CCDC63: variants seen among roughly 807,000 people sequenced by gnomAD.
CCDC63 encodes coiled-coil domain containing 63, also known as coiled-coil domain-containing protein 63.
In CCDC63, 54 loss-of-function variants were observed where a neutral mutation model predicts 63.6. That is an observed-to-expected ratio of 0.85 (90% CI 0.68 to 1.07). The LOEUF (loss-of-function observed/expected upper bound fraction) is 1.07. Ranked by LOEUF, CCDC63 falls within the 50% of genes least tolerant of loss-of-function variation. The pLI, the probability that CCDC63 is intolerant of heterozygous loss-of-function variation, is 0.00. For synonymous variants in CCDC63, 253 were observed against 266.1 expected (o/e 0.95, Z 0.48); for missense variants, 637 against 689.6 (o/e 0.92, Z 0.86).
chr12:110,854,255 C>CT (rs59793950), intron 3 of CCDC63, among the ~76,000 whole-genome samples: 136 of 106,744 alleles, frequency 1.3e-3, no homozygotes, highest in Middle Eastern at 0.011. Context: ...CATTTCTTTT[C>CT]TTTTTTTTTT....
chr12:110,898,628 A>C (rs2071444425), intron 9 of CCDC63, among the ~76,000 whole-genome samples: 1 of 151,904 alleles, frequency 6.6e-6, no homozygotes, highest in Non-Finnish European at 1.5e-5. Flanking sequence ...AAAAAAAAAA[A>C]AAAAAAATTC....
intron 4 of CCDC63, among the ~76,000 whole-genome samples, chr12:110,865,464 C>CAAAAAAAAAAAAAAAAAAAAAAAAAAAA (rs10585238): frequency 8.8e-5 from 9 of 102,360 alleles, no homozygotes; most frequent in East Asian, 3.2e-4. Flanking sequence ...CAGCATATAC[C>CAAAAAAAAAAAAAAAAAAAAAAAAAAAA]AAAAAAAAAA....
At chr12:110,898,115 C>CT (rs1405600983) in intron 9 of CCDC63, among the ~76,000 whole-genome samples, 1 of 151,164 alleles carries the variant, frequency 6.6e-6, no homozygotes, top group African/African-American at 2.4e-5. Context: ...AACCCCATCT[C>CT]TAAAAAAAAT....
At chr12:110,865,744 G>C (rs907965858) in intron 4 of CCDC63, among the ~76,000 whole-genome samples, 5 of 152,188 alleles carry the variant, frequency 3.3e-5, no homozygotes, top group African/African-American at 9.7e-5. Context: ...TTGCAGCTAA[G>C]GGTGGACAGT....
At chr12:110,897,710 A>ATTTCTTCCTGTGGACCACCTTGTT (rs2071431026) in intron 9 of CCDC63, among the ~76,000 whole-genome samples, 2 of 141,738 alleles carry the variant, frequency 1.4e-5, no homozygotes, top group African/African-American at 5.3e-5. Context: ...GCTGCAATGT[A>ATTTCTTCCTGTGGACCACCTTGTT]TTTCTTCCTG....
intron 8 of CCDC63, among the ~76,000 whole-genome samples, chr12:110,885,271 T>G (rs78605674): frequency 6.6e-6 from 1 of 152,078 alleles, no homozygotes; most frequent in East Asian, 1.9e-4. Flanking sequence ...CCCTTGTTAA[T>G]CAACAGTTTC....
At chr12:110,873,601 T>C (rs1398426217) in intron 4 of CCDC63, among the ~76,000 whole-genome samples, 5 of 152,226 alleles carry the variant, frequency 3.3e-5, no homozygotes, top group African/African-American at 1.2e-4. Context: ...ACTGCTTTAT[T>C]GTACCCCGAA....
At chr12:110,860,877 C>A (rs773581552) in intron 4 of CCDC63, among the ~76,000 whole-genome samples, 2 of 152,324 alleles carry the variant, frequency 1.3e-5, no homozygotes, top group African/African-American at 4.8e-5. Flanking sequence ...GCGTGAGCCG[C>A]GGCATGCAGC....
intron 11 of CCDC63, among the ~76,000 whole-genome samples, chr12:110,906,010 A>T (rs1455242551): frequency 3.3e-4 from 2 of 5,992 alleles, no homozygotes; most frequent in African/African-American, 5.0e-4. Flanking sequence ...ATATTATATA[A>T]TATAATATAT....
intron 1 of CCDC63, among the ~76,000 whole-genome samples, chr12:110,848,470 C>T (rs1432454723): frequency 6.6e-6 from 1 of 152,158 alleles, no homozygotes; most frequent in Non-Finnish European, 1.5e-5. Context: ...CATCTGGAAC[C>T]TGAAGAGAAG....
chr12:110,893,802 A>G (rs927440952), intron 9 of CCDC63, among the ~76,000 whole-genome samples: 1 of 152,148 alleles, frequency 6.6e-6, no homozygotes, highest in African/African-American at 2.4e-5. Context: ...TTAAGAAATA[A>G]GTCTGCCACC....
At chr12:110,844,847 AT>A (rs2136628357), upstream of CCDC63, among the ~76,000 whole-genome samples, 1 of 152,302 alleles carries the variant, frequency 6.6e-6, no homozygotes, top group East Asian at 1.9e-4. Context: ...TCATTTTGAG[AT>A]AGTTCGAGTG....
chr12:110,883,275 A>G (rs1210551769), intron 7 of CCDC63, among the ~76,000 whole-genome samples: 1 of 152,068 alleles, frequency 6.6e-6, no homozygotes, highest in African/African-American at 2.4e-5. Context: ...TGACCTCGTG[A>G]TCCACCTGCC....
At chr12:110,893,300 G>T (rs2071380737) in intron 9 of CCDC63, 150 bp downstream of exon 9, 6 of 647,402 alleles carry the variant, frequency 9.3e-6, no homozygotes, top group Non-Finnish European at 1.6e-5. Flanking sequence ...GGCTGGCCTG[G>T]ATCACATCCA....
intron 10 of CCDC63, 22 bp from the exon 11 acceptor site, chr12:110,904,566 G>T: frequency 1.9e-6 from 3 of 1,612,560 alleles, no homozygotes; most frequent in Non-Finnish European, 2.5e-6. Flanking sequence ...CAGCCATCTT[G>T]GTCCTGCTTC....
chr12:110,885,672 C>G (rs752036993), intron 8 of CCDC63, among the ~76,000 whole-genome samples: 139 of 152,166 alleles, frequency 9.1e-4, no homozygotes, highest in Non-Finnish European at 1.8e-3. Context: ...CTCATTAGTC[C>G]TGACCCTGCA....
In CCDC63 at chr12:110,858,631, A is replaced by G. The variant is rs764002377; in HGVS notation, c.225A>G (p.Leu75=). 6.2e-7 allele frequency: 1 copy of G among 1,614,028 alleles called. No individual in the cohort carries two copies. Among genetic ancestry groups the G allele is most frequent in the South Asian group, 1.1e-5 (1 of 91,066 alleles). The change falls in exon 4 of 12, where the codon CTA becomes CTG. Residue 75 remains leucine, a synonymous_variant. Coordinates refer to ENST00000308208, the MANE Select transcript of CCDC63 (RefSeq NM_152591.3). ...AGACAGAGCAGGATGAGATCACCCT[A>G]CTGTTGAGTCTCATGAAATCCTCGA... ...TLKTEQDEIT[L]LLSLMKSSRN... is the part of the protein sequence containing the mutation.
intron 4 of CCDC63, among the ~76,000 whole-genome samples, chr12:110,865,464 CA>C (rs10585238): frequency 0.036 from 3,683 of 102,292 alleles, 44 homozygotes; most frequent in African/African-American, 0.068. Context: ...CAGCATATAC[CA>C]AAAAAAAAAA....
chr12:110,891,122 T>C (rs1213216052), intron 8 of CCDC63, among the ~76,000 whole-genome samples: 2 of 152,002 alleles, frequency 1.3e-5, no homozygotes, highest in Non-Finnish European at 2.9e-5. Flanking sequence ...AGATGCTCTG[T>C]AGCATGGAAT....
Sources: gnomAD v4.1 joint callset for allele counts (sites outside exome capture counted in the v4.1 genomes callset) on GRCh38, gnomAD v4.1.1 for gene constraint, MANE v1.5 for transcripts, NCBI Gene and HGNC (gene_info 2026-07-23, HGNC 2026-07-21) for gene names.